Variants in AMY2B observed in about 807,000 individuals in gnomAD.
AMY2B encodes the protein alpha-amylase 2B.
A neutral mutation model predicts 59.3 loss-of-function variants in AMY2B; 63 were observed. The ratio of observed to expected loss-of-function variants is 1.06; its 90% CI spans 0.87 to 1.31. AMY2B has a LOEUF of 1.31. AMY2B is among the 50% of genes most tolerant of loss of function. AMY2B has a pLI of 0.00. For synonymous variants in AMY2B, 180 were observed against 198.1 expected (o/e 0.91, Z 0.77); for missense variants, 635 against 626.7 (o/e 1.01, Z -0.14).
rs370179572 is a variant in AMY2B at position 103,577,833 on chromosome 1, A to G, written c.1334A>G (p.Asn445Ser). The G allele has an allele frequency of 3.3e-4, 525 of 1,603,192 alleles. 4 individuals are homozygous for G. The South Asian group carries it at 4.3e-3, about 13-fold the overall frequency. ...GRGNRGFIVF[N>S]NDDWTFSLTL... ...GGAAACAGAGGATTCATTGTTTTCAACAATGATGACTGGTAAGTACATATC... is the reference window on the plus strand; with the variant it reads ...GGAAACAGAGGATTCATTGTTTTCAGCAATGATGACTGGTAAGTACATATC... Residue 445 changes from asparagine (N) to serine (S), a missense_variant, in exon 9 of 10, where the codon AAC (asparagine) becomes AGC (serine). Coordinates refer to ENST00000684275, the MANE Select transcript of AMY2B (RefSeq NM_001387437.1).
chr1:103,578,551 A>T (rs1652451880), intron 9 of AMY2B, among the ~76,000 whole-genome samples: 1 of 152,182 alleles, frequency 6.6e-6, no homozygotes, highest in Non-Finnish European at 1.5e-5. Context: ...TACTTAGCTC[A>T]TTCTAGTATA....
In AMY2B at chr1:103,579,296, A is replaced by C. The variant is rs781012399; in HGVS notation, c.1347-15A>C. The C allele has an allele frequency of 4.2e-5, 67 of 1,611,494 alleles. No individual in the cohort carries two copies. Among genetic ancestry groups the C allele is most frequent in the Admixed American group, 2.3e-4 (14 of 59,976 alleles). ...TTCAGTGTATTGAAGTTAAATCTGA[A>C]ATTTTATTTTACAGGACATTTTCTT... On this transcript the variant is annotated splice_polypyrimidine_tract_variant and intron_variant, in intron 9 of 9. Coordinates refer to ENST00000684275, the MANE Select transcript of AMY2B (RefSeq NM_001387437.1).
upstream of AMY2B, chr1:103,570,187 A>G (rs371628291): frequency 4.1e-6 from 2 of 483,394 alleles, no homozygotes; most frequent in African/African-American, 2.0e-5. Flanking sequence ...ACACTACGTC[A>G]AGGAGAAACT....
intron 2 of AMY2B, among the ~76,000 whole-genome samples, chr1:103,566,391 T>G (rs1454198571): frequency 6.6e-6 from 1 of 152,188 alleles, no homozygotes; most frequent in Non-Finnish European, 1.5e-5. Flanking sequence ...ATTTAACGTA[T>G]TTTACTAACT....
chr1:103,570,546 G>T, upstream of AMY2B: 1 of 607,186 alleles, frequency 1.6e-6, no homozygotes, highest in Non-Finnish European at 3.2e-6. Flanking sequence ...CGCATCCCCA[G>T]AGCACAAGTA....
In AMY2B at chr1:103,577,813, C is replaced by T. The variant is rs769132917; in HGVS notation, c.1314C>T (p.Asn438=). ...GSNQVAFGRG[N]RGFIVFNNDD... ...ACCAAGTGGCTTTTGGGAGAGGAAA[C>T]AGAGGATTCATTGTTTTCAACAATG... Residue 438 remains asparagine (N), a synonymous_variant, in exon 9 of 10, where the codon AAC becomes AAT. Coordinates refer to ENST00000684275, the MANE Select transcript of AMY2B (RefSeq NM_001387437.1). The T allele has an allele frequency of 5.0e-6, 8 of 1,604,704 alleles. No individual in the cohort carries two copies. The Admixed American group carries it at 8.3e-5, about 17-fold the overall frequency.
chr1:103,570,656 C>A, upstream of AMY2B: 1 of 587,436 alleles, frequency 1.7e-6, no homozygotes, highest in South Asian at 1.4e-5. Flanking sequence ...CCTCCATCGT[C>A]CACCGCAAAT....
upstream of AMY2B, chr1:103,570,520 T>C (rs1652084361): frequency 1.6e-6 from 1 of 625,060 alleles, no homozygotes; most frequent in Admixed American, 1.8e-5. Flanking sequence ...CCTAGCACCA[T>C]GAAGATCAAG....
At chr1:103,569,665 C>G, upstream of AMY2B, 1 of 385,062 alleles carries the variant, frequency 2.6e-6, no homozygotes, top group Admixed American at 3.2e-5. Context: ...TCGGTGCCCC[C>G]GGCACCAGGG....
chr1:103,572,550 G>A (rs1465570527), intron 2 of AMY2B, among the ~76,000 whole-genome samples: 1 of 152,122 alleles, frequency 6.6e-6, no homozygotes, highest in Admixed American at 6.5e-5. Context: ...CTGGTTAAGA[G>A]TTATAATTCC....
At chr1:103,561,332 G>C (rs1450948238) in intron 1 of AMY2B, among the ~76,000 whole-genome samples, 1 of 151,936 alleles carries the variant, frequency 6.6e-6, no homozygotes, top group Non-Finnish European at 1.5e-5. Context: ...CAGTGGCGCA[G>C]TCTCGGCTCA....
chr1:103,557,169 C>CAT lies in AMY2B; in HGVS notation c.-207+2061_-207+2062insTA, dbSNP rs1553194892. Among the ~76,000 whole-genome samples the CAT allele has an allele frequency of 6.8e-3, 1,031 of 151,324 alleles. 8 individuals carry two copies. The highest frequency in any genetic ancestry group is 0.012 in the Non-Finnish European group (794 of 67,616). Reference sequence around the variant, plus strand: ...GCGCGCGCACACACACACACACACACACATACATACATACATACATACACA... The same window carrying CAT: ...GCGCGCGCACACACACACACACACACATACATACATACATACATACATACACA... On this transcript the variant is annotated intron_variant, in intron 1 of 11. Coordinates refer to the AMY2B transcript ENST00000361355.
intron 1 of AMY2B, among the ~76,000 whole-genome samples, chr1:103,559,882 A>G (rs1651678511): frequency 6.6e-6 from 1 of 152,190 alleles, no homozygotes; most frequent in South Asian, 2.1e-4. Context: ...TTTGCATAAT[A>G]TGAAAATATA....
At chr1:103,574,495 C>T in intron 5 of AMY2B, 102 bp downstream of exon 5, 4 of 1,589,072 alleles carry the variant, frequency 2.5e-6, no homozygotes, top group Non-Finnish European at 3.4e-6. Flanking sequence ...AGACAACTAT[C>T]AAGGAGTCAA....
In AMY2B at chr1:103,577,852, A is replaced by G. The variant is rs781273389; in HGVS notation, c.1346+7A>G. The G allele has an allele frequency of 2.7e-5, 43 of 1,600,530 alleles. No homozygotes were observed. Among genetic ancestry groups the G allele is most frequent in the Non-Finnish European group, 3.1e-5 (37 of 1,179,628 alleles). On this transcript the variant is annotated splice_region_variant and intron_variant, in intron 9 of 9. Transcript: ENST00000684275. ...TTTTCAACAATGATGACTGGTAAGT[A>G]CATATCAATTAAAAATAATATTTTG...
intron 1 of AMY2B, among the ~76,000 whole-genome samples, chr1:103,564,701 G>A (rs1047729488): frequency 6.6e-6 from 1 of 152,108 alleles, no homozygotes; most frequent in Non-Finnish European, 1.5e-5. Flanking sequence ...GTTCTGTTCA[G>A]TGTCTGTGTT....
chr1:103,575,260 A>G lies in AMY2B; in HGVS notation c.916A>G (p.Arg306Gly), dbSNP rs761095674. 2.5e-6 allele frequency: 4 copies of G among 1,613,670 alleles called. No individual in the cohort carries two copies. The Admixed American group carries it at 5.0e-5, about 20-fold the overall frequency. Residue 306 changes from arginine (R) to glycine (G), a missense_variant, in exon 6 of 10, where the codon AGA becomes GGA. Coordinates refer to ENST00000684275, the MANE Select transcript of AMY2B (RefSeq NM_001387437.1). Reference sequence around the variant, plus strand: ...AGGTTGGGGTTTCATGCCTTCTGACAGAGCACTTGTCTTTGTGGATAACCA... The same window carrying G: ...AGGTTGGGGTTTCATGCCTTCTGACGGAGCACTTGTCTTTGTGGATAACCA... ...GEGWGFMPSD[R>G]ALVFVDNHDN...
intron 9 of AMY2B, among the ~76,000 whole-genome samples, chr1:103,578,345 C>G (rs1020995340): frequency 5.9e-5 from 9 of 152,108 alleles, no homozygotes; most frequent in Non-Finnish European, 1.0e-4. Flanking sequence ...AAAGCATATG[C>G]ATAAATAATA....
At chr1:103,557,871 G>A (rs1651610543) in intron 1 of AMY2B, among the ~76,000 whole-genome samples, 1 of 152,058 alleles carries the variant, frequency 6.6e-6, no homozygotes, top group Admixed American at 6.6e-5. Context: ...AACATGCATA[G>A]AAATGATCAT....
Sources: allele counts gnomAD v4.1 joint callset (sites outside exome capture counted in the v4.1 genomes callset), GRCh38; gene constraint gnomAD v4.1.1; transcripts MANE v1.5; gene names NCBI Gene and HGNC (gene_info 2026-07-23, HGNC 2026-07-21).